Variants in HEATR5A observed in about 807,000 individuals in gnomAD.
HEATR5A encodes HEAT repeat-containing protein 5A.
HEATR5A carries 178 observed loss-of-function variants against 218.8 expected under a neutral mutation model. The ratio of observed to expected loss-of-function variants is 0.81; its 90% CI spans 0.72 to 0.92. HEATR5A has a LOEUF of 0.92. Ranked by LOEUF, HEATR5A falls within the 40% of genes least tolerant of loss-of-function variation. The pLI is 0.00. For synonymous variants in HEATR5A, 864 were observed against 871.6 expected, an observed-to-expected ratio of 0.99 and a Z score of 0.15; for missense variants, 2,420 against 2,418.9, an observed-to-expected ratio of 1.00 and a Z score of -0.01.
intron 34 of HEATR5A, among the ~76,000 whole-genome samples, chr14:31,295,219 T>C (rs1899140581): frequency 6.6e-6 from 1 of 152,128 alleles, no homozygotes; most frequent in South Asian, 2.1e-4. Context: ...GGTCCTGTTA[T>C]TTCACATTCA....
chr14:31,394,005 G>T, intron 6 of HEATR5A, 47 bp downstream of exon 6: 1 of 1,266,536 alleles, frequency 7.9e-7, no homozygotes, highest in South Asian at 1.5e-5. Context: ...ATATCAACTG[G>T]GGAAAAAATT....
At chr14:31,361,766 C>T (rs915671532) in intron 14 of HEATR5A, among the ~76,000 whole-genome samples, 3 of 152,064 alleles carry the variant, frequency 2.0e-5, no homozygotes, top group African/African-American at 7.2e-5. Flanking sequence ...TCAATTTTTA[C>T]TCCAATCCTT....
At chr14:31,380,081 CAATT>C (rs2139271127) in intron 11 of HEATR5A, among the ~76,000 whole-genome samples, 1 of 152,288 alleles carries the variant, frequency 6.6e-6, no homozygotes, top group East Asian at 1.9e-4. Flanking sequence ...AATCCTCAAA[CAATT>C]ATAGAACTGG....
chr14:31,302,310 C>T lies in HEATR5A; in HGVS notation c.5449G>A (p.Asp1817Asn). 1 of 1,595,170 alleles carries T rather than the reference C, an allele frequency of 6.3e-7. No individual in the cohort carries two copies. Among genetic ancestry groups the T allele is most frequent in the Non-Finnish European group, 8.5e-7 (1 of 1,170,220 alleles). The change falls in exon 33 of 36, where the codon GAC (aspartate) becomes AAC (asparagine). Residue 1817 changes from aspartate to asparagine, a missense_variant. Physicochemically the swap from Asp to Asn is conservative, Grantham distance 23. Transcript: ENST00000543095. ...LLRSALTTIL[D>N]CWDPVDETHQ... is the part of the protein sequence containing the mutation. The stretch of plus-strand genomic sequence containing the variant: ...CCTCAATTACCTGGATCCCAACAGT[C>T]AAGAATTGTTGTTAAGGCACTTCGG...
At chr14:31,375,046 T>C (rs1902176161) in intron 11 of HEATR5A, 78 bp from the exon 12 acceptor site, 1 of 1,168,288 alleles carries the variant, frequency 8.6e-7, no homozygotes, top group African/African-American at 1.6e-5. Context: ...AAGCAGCAAC[T>C]TCTCTCCTAA....
rs1437316868 is a variant in HEATR5A, at chr14:31,400,843, TG to T, written c.127-332del. Among the ~76,000 whole-genome samples the T allele has an allele frequency of 2.3e-4, 9 of 39,242 alleles. No individual in the cohort carries two copies. In the South Asian group the frequency reaches 5.8e-3, roughly 25 times the overall value. The allele number at this position is 39,242 out of a possible 152,430, so 25.7% of individuals were successfully genotyped here. A position where few individuals can be genotyped will look rare whatever the true frequency, so the allele number is the denominator to read the frequency against. ...AGCAAATTTGTATTATTATTATTAT[TG>T]TTTTTTTTTTTTTGAGATGGAGTCT... is the stretch of plus-strand genomic sequence containing the variant. On this transcript the variant is annotated intron_variant, in intron 2 of 35. Transcript: ENST00000543095.
chr14:31,348,224 T>TA (rs1369805324), intron 18 of HEATR5A, among the ~76,000 whole-genome samples: 2 of 152,196 alleles, frequency 1.3e-5, no homozygotes, highest in African/African-American at 4.8e-5. Flanking sequence ...AGTTACATTT[T>TA]AAAAACTCAA....
chr14:31,315,876 A>G lies in HEATR5A; in HGVS notation c.4112T>C (p.Val1371Ala). ...NDLRRVHQLL[V>A]SSLTKIQAGK... ...AGCCTGTATTTTAGTTAACGATGAA[A>G]CAAGCAACTGATGAACTCTTCGGAG... The change falls in exon 27 of 36, where the codon GTT becomes GCT. Residue 1371 changes from valine to alanine, a missense_variant. Physicochemically the swap from Val to Ala is moderately conservative, Grantham distance 64 (BLOSUM62 0). Coordinates refer to ENST00000543095, the MANE Select transcript of HEATR5A (RefSeq NM_015473.4). 2 of 1,603,144 alleles carry G rather than the reference A, an allele frequency of 1.2e-6. No individual in the cohort carries two copies. Among genetic ancestry groups the G allele is most frequent in the Non-Finnish European group, 1.7e-6 (2 of 1,174,396 alleles).
chr14:31,417,718 C>G (rs906089825), intron 1 of HEATR5A, among the ~76,000 whole-genome samples: 1 of 151,526 alleles, frequency 6.6e-6, no homozygotes, highest in African/African-American at 2.4e-5. Flanking sequence ...CTACTGCACT[C>G]CAGCCTGGGG....
chr14:31,357,015 A>G (rs1390927717), intron 16 of HEATR5A, among the ~76,000 whole-genome samples: 10 of 152,172 alleles, frequency 6.6e-5, no homozygotes, highest in Non-Finnish European at 1.0e-4. Flanking sequence ...ATGCTCTATA[A>G]AAAGGCAGTT....
In HEATR5A at chr14:31,314,865, C is replaced by A. The variant is rs76203850; in HGVS notation, c.4218+905G>T. ...CTTAGATGAAATCTGAGATTACATA[C>A]CTTCATTAAAATGGTATGTGAACTG... On this transcript the variant is annotated intron_variant, in intron 27 of 35. Transcript: ENST00000543095. Among the ~76,000 whole-genome samples, 411 of 152,224 alleles carry A rather than the reference C, an allele frequency of 2.7e-3. 2 individuals are homozygous for A. Among genetic ancestry groups the A allele is most frequent in the Non-Finnish European group, 3.6e-3 (246 of 68,018 alleles).
chr14:31,305,822 T>A (rs1167915391), intron 31 of HEATR5A, among the ~76,000 whole-genome samples: 1 of 152,152 alleles, frequency 6.6e-6, no homozygotes, highest in Non-Finnish European at 1.5e-5. Flanking sequence ...GAAAGTCACA[T>A]CCTTAATGTC....
chr14:31,327,291 T>A (rs1272176049), intron 22 of HEATR5A, among the ~76,000 whole-genome samples: 1 of 131,022 alleles, frequency 7.6e-6, no homozygotes, highest in Non-Finnish European at 1.6e-5. Flanking sequence ...TGGCACTTTT[T>A]TTTTTTTTTT....
chr14:31,395,219 C>G lies in HEATR5A; in HGVS notation c.577G>C (p.Val193Leu). The change falls in exon 5 of 36, where the codon GTT becomes CTT. Residue 193 changes from valine (V) to leucine (L), a missense_variant. Physicochemically the swap from Val to Leu is conservative, Grantham distance 32. Transcript: ENST00000543095. The stretch of plus-strand genomic sequence containing the variant: ...TTTACCTTTGCAGCAGCACAACGAA[C>G]AGCCATGGATCTATCTGTCAAGCAG... ...RSCLTDRSMA[V>L]RCAAAKCLLE... 6.6e-7 allele frequency: 1 copy of G among 1,515,496 alleles called. No homozygotes were observed. Among genetic ancestry groups the G allele is most frequent in the South Asian group, 1.2e-5 (1 of 80,118 alleles). The allele number at this position is 1,515,496 out of a possible 1,614,324, so 93.9% of individuals were successfully genotyped here.
chr14:31,393,910 A>C, intron 6 of HEATR5A, 142 bp downstream of exon 6: 1 of 579,008 alleles, frequency 1.7e-6, no homozygotes. Context: ...GGCCTCCCAA[A>C]GTGCTGGGAT....
At chr14:31,303,714 T>C (rs773025693) in intron 32 of HEATR5A, among the ~76,000 whole-genome samples, 22 of 152,162 alleles carry the variant, frequency 1.4e-4, no homozygotes, top group Non-Finnish European at 2.5e-4. Context: ...GAAGCCTTTA[T>C]ACATGAGGTA....
At chr14:31,376,202 G>A (rs533487442) in intron 11 of HEATR5A, among the ~76,000 whole-genome samples, 24 of 152,264 alleles carry the variant, frequency 1.6e-4, no homozygotes, top group African/African-American at 2.4e-4. Context: ...TTTCTGAGGC[G>A]TATATGAGTT....
rs149429740 is a variant in HEATR5A at position 31,328,162 on chromosome 14, C to T, written c.3368-1820G>A. Among the ~76,000 whole-genome samples, 730 of 152,014 alleles carry T rather than the reference C, an allele frequency of 4.8e-3. 3 individuals carry two copies. The highest frequency in any genetic ancestry group is 0.017 in the African/African-American group (687 of 41,452). The stretch of plus-strand genomic sequence containing the variant: ...AGAGACGAGGTTTCACCATGTTGGC[C>T]AGGCTGGTCTCGAACTCCTGACCTC... On this transcript the variant is annotated intron_variant, in intron 22 of 35. Coordinates refer to ENST00000543095, the MANE Select transcript of HEATR5A (RefSeq NM_015473.4).
chr14:31,382,061 G>T (rs1478758866), intron 10 of HEATR5A, among the ~76,000 whole-genome samples: 1 of 152,170 alleles, frequency 6.6e-6, no homozygotes, highest in African/African-American at 2.4e-5. Context: ...CAAAAAGAGT[G>T]AGGACAAAAC....
Sources: allele counts gnomAD v4.1 joint callset (sites outside exome capture counted in the v4.1 genomes callset), GRCh38; gene constraint gnomAD v4.1.1; transcripts MANE v1.5; gene names NCBI Gene and HGNC (gene_info 2026-07-23, HGNC 2026-07-21).